PPM1H: variants seen among roughly 807,000 people sequenced by gnomAD.
The protein encoded by PPM1H is protein phosphatase, Mg2+/Mn2+ dependent 1H.
In PPM1H, 27 loss-of-function variants were observed where a neutral mutation model predicts 54.9. The observed-to-expected ratio is 0.49, with a 90% CI of 0.36 to 0.68. The LOEUF (loss-of-function observed/expected upper bound fraction) is 0.68, where lower values mean the gene tolerates loss of function less well. Ranked by LOEUF, PPM1H falls within the 30% of genes least tolerant of loss-of-function variation. The probability of loss-of-function intolerance (pLI) is 0.00; values close to 1 mark genes in which losing one functional copy is unlikely to be tolerated. For missense variants in PPM1H, 596 were observed against 667.8 expected (o/e 0.89, Z 1.19); for synonymous variants, 305 against 270.8 (o/e 1.13, Z -1.24).
chr12:62,822,707 C>G (rs965733181), intron 2 of PPM1H, among the ~76,000 whole-genome samples: 1 of 152,040 alleles, frequency 6.6e-6, no homozygotes, highest in Non-Finnish European at 1.5e-5. Flanking sequence ...AGAACAAAGA[C>G]ACAACGTACC....
At chr12:62,867,964 A>T (rs1869844381) in intron 1 of PPM1H, among the ~76,000 whole-genome samples, 1 of 151,990 alleles carries the variant, frequency 6.6e-6, no homozygotes, top group Non-Finnish European at 1.5e-5. Flanking sequence ...GTGCTTCCAG[A>T]GGGTTGGTTA....
At chr12:62,915,913 C>T (rs997738576) in intron 1 of PPM1H, among the ~76,000 whole-genome samples, 4 of 152,146 alleles carry the variant, frequency 2.6e-5, no homozygotes, top group African/African-American at 9.7e-5. Flanking sequence ...CCTCATGCTG[C>T]TGTCTCCCTC....
intron 2 of PPM1H, among the ~76,000 whole-genome samples, chr12:62,809,947 A>G (rs2076825049): frequency 6.6e-6 from 1 of 151,922 alleles, no homozygotes; most frequent in African/African-American, 2.4e-5. Flanking sequence ...TTTTTGGTGG[A>G]AGCGTGACCT....
At chr12:62,831,787 G>A (rs7978077) in intron 2 of PPM1H, among the ~76,000 whole-genome samples, 13,980 of 130,346 alleles carry the variant, frequency 0.11, 696 homozygotes, top group Middle Eastern at 0.18. Flanking sequence ...ATATATATAC[G>A]TATACACACA....
At chr12:62,932,465 A>C (rs961973744) in intron 1 of PPM1H, among the ~76,000 whole-genome samples, 1 of 151,686 alleles carries the variant, frequency 6.6e-6, no homozygotes, top group African/African-American at 2.4e-5. Flanking sequence ...CTTTCTCACC[A>C]TTGCCTGCTT....
chr12:62,700,938 A>G (rs2076140710), intron 6 of PPM1H, among the ~76,000 whole-genome samples: 1 of 152,050 alleles, frequency 6.6e-6, no homozygotes. Context: ...TTTCCATAGC[A>G]TCCACCACCA....
chr12:62,766,166 CAG>C (rs1420734906), intron 4 of PPM1H, among the ~76,000 whole-genome samples: 1 of 152,116 alleles, frequency 6.6e-6, no homozygotes, highest in Non-Finnish European at 1.5e-5. Flanking sequence ...GAATGCAGGT[CAG>C]GGTAAATTAT....
chr12:62,887,239 G>T (rs1870623630), intron 1 of PPM1H, among the ~76,000 whole-genome samples: 1 of 152,168 alleles, frequency 6.6e-6, no homozygotes, highest in Non-Finnish European at 1.5e-5. Flanking sequence ...TCACAGAGTT[G>T]CATAGAGTGT....
chr12:62,896,146 C>T (rs1454841331), intron 1 of PPM1H, among the ~76,000 whole-genome samples: 3 of 152,134 alleles, frequency 2.0e-5, no homozygotes, highest in Non-Finnish European at 2.9e-5. Context: ...ATTATTGCAA[C>T]GATGTTTGCT....
chr12:62,658,486 C>CT (rs2075860616), intron 9 of PPM1H, among the ~76,000 whole-genome samples: 1 of 152,090 alleles, frequency 6.6e-6, no homozygotes, highest in African/African-American at 2.4e-5. Context: ...GGAGACCCCC[C>CT]CACTGAACCT....
chr12:62,803,385 T>A (rs1344234886), intron 2 of PPM1H, among the ~76,000 whole-genome samples: 1 of 152,146 alleles, frequency 6.6e-6, no homozygotes, highest in Admixed American at 6.5e-5. Context: ...AGCTCAGAAA[T>A]AAACCCACAC....
intron 3 of PPM1H, among the ~76,000 whole-genome samples, chr12:62,794,783 G>A (rs1056833020): frequency 4.6e-5 from 7 of 152,080 alleles, no homozygotes; most frequent in African/African-American, 1.4e-4. Flanking sequence ...TTGAAATCAG[G>A]ACTTAGAAGA....
intron 1 of PPM1H, among the ~76,000 whole-genome samples, chr12:62,832,506 G>A (rs544919989): frequency 9.2e-5 from 14 of 152,302 alleles, no homozygotes; most frequent in Admixed American, 1.3e-4. Flanking sequence ...GTTGTTTTGA[G>A]ACCTGTTCAC....
intron 9 of PPM1H, among the ~76,000 whole-genome samples, chr12:62,663,417 G>A (rs2075897342): frequency 6.6e-6 from 1 of 152,028 alleles, no homozygotes; most frequent in Non-Finnish European, 1.5e-5. Context: ...GAACTCCCAG[G>A]TTCAGGTGAT....
At chr12:62,829,960 C>T (rs1311254312) in intron 2 of PPM1H, among the ~76,000 whole-genome samples, 2 of 152,226 alleles carry the variant, frequency 1.3e-5, no homozygotes, top group African/African-American at 2.4e-5. Context: ...ATCATGAACA[C>T]TTCACGCTTT....
intron 4 of PPM1H, among the ~76,000 whole-genome samples, chr12:62,763,386 G>A (rs1304079801): frequency 6.6e-6 from 1 of 152,232 alleles, no homozygotes; most frequent in Non-Finnish European, 1.5e-5. Context: ...ACCAAATCCA[G>A]ATAGGGTAAA....
chr12:62,773,226 G>GGAAGGCT (rs2076589771), intron 4 of PPM1H, among the ~76,000 whole-genome samples: 1 of 152,172 alleles, frequency 6.6e-6, no homozygotes, highest in Non-Finnish European at 1.5e-5. Context: ...TGTAATTCCA[G>GGAAGGCT]CACTTTGGAA....
intron 4 of PPM1H, among the ~76,000 whole-genome samples, chr12:62,781,519 G>T (rs1565786886): frequency 6.6e-6 from 1 of 152,226 alleles, no homozygotes; most frequent in Non-Finnish European, 1.5e-5. Context: ...AGCTCTTTCA[G>T]ATGCCCAGGG....
intron 1 of PPM1H, among the ~76,000 whole-genome samples, chr12:62,920,056 A>T (rs1871745111): frequency 6.6e-6 from 1 of 152,146 alleles, no homozygotes; most frequent in African/African-American, 2.4e-5. Flanking sequence ...CCAGTTCTGG[A>T]CACCTGGTTC....
Sources: gnomAD v4.1 joint callset for allele counts (sites outside exome capture counted in the v4.1 genomes callset) on GRCh38, gnomAD v4.1.1 for gene constraint, MANE v1.5 for transcripts, NCBI Gene and HGNC (gene_info 2026-07-23, HGNC 2026-07-21) for gene names.